The following TMTC2 variants were observed in gnomAD, a reference collection of about 807,000 sequenced individuals.
TMTC2 encodes protein O-mannosyl-transferase TMTC2.
TMTC2 carries 43 observed loss-of-function variants against 82.4 expected under a neutral mutation model. That is an observed-to-expected ratio of 0.52 (90% CI 0.41 to 0.67). The LOEUF is 0.67. TMTC2 is among the 30% of genes least tolerant of loss of function. The probability of loss-of-function intolerance (pLI) is 0.00; values close to 1 mark genes in which losing one functional copy is unlikely to be tolerated. For synonymous variants in TMTC2, 408 were observed against 381.9 expected (o/e 1.07, Z -0.80); for missense variants, 919 against 1,012.4 (o/e 0.91, Z 1.25).
At chr12:83,026,481 A>G (rs993565425) in intron 8 of TMTC2, among the ~76,000 whole-genome samples, 3 of 152,150 alleles carry the variant, frequency 2.0e-5, no homozygotes, top group Admixed American at 1.3e-4. Flanking sequence ...TGGTGCCTTC[A>G]GGTGTCATTT....
Position 82,995,834 on chromosome 12 carries a change from C to T in TMTC2, c.2070+9788C>T, listed in dbSNP as rs185862695. On this transcript the variant is annotated intron_variant, in intron 8 of 11. Coordinates refer to ENST00000321196, the MANE Select transcript of TMTC2 (RefSeq NM_152588.3). ...TTGAGACAGGGTCTTGCTCTGTCAC[C>T]GGAGCTGAAGTGTAGTGGTCCACAC... 8.5e-5 allele frequency among the ~76,000 whole-genome samples: 13 copies of T among 152,246 alleles called. No individual in the cohort carries two copies. The East Asian group carries it at 2.5e-3, about 29-fold the overall frequency.
At chr12:82,997,366 G>GTGTATATATATATGTGTATATATATATA (rs1879695204) in intron 8 of TMTC2, among the ~76,000 whole-genome samples, 315 of 20,196 alleles carry the variant, frequency 0.016, 6 homozygotes, top group African/African-American at 0.032. Context: ...ATATATATAT[G>GTGTATATATATATGTGTATATATATATA]TGTATATATA....
Position 82,896,493 on chromosome 12 carries a change from GT to G in TMTC2, c.1331del (p.Val444AlafsTer11). 1 of 1,614,162 alleles carries G rather than the reference GT, an allele frequency of 6.2e-7. No individual in the cohort carries two copies. The highest frequency in any genetic ancestry group is 1.3e-5 in the African/African-American group (1 of 75,038). ...LITVGARALY[V>X]KVQKRFLKSL... ...TACAGTGGGTGCTAGAGCCCTTTAT[GT>G]CAAAGTCCAAAAGCGGTTCCTCAAG... On this transcript the variant is annotated frameshift_variant, in exon 3 of 12. Coordinates refer to ENST00000321196, the MANE Select transcript of TMTC2 (RefSeq NM_152588.3). LOFTEE classifies it high-confidence loss of function.
At chr12:82,810,615 G>A (rs1592540340) in intron 1 of TMTC2, among the ~76,000 whole-genome samples, 1 of 152,112 alleles carries the variant, frequency 6.6e-6, no homozygotes, top group East Asian at 1.9e-4. Flanking sequence ...TTCACTTTAT[G>A]CAGGAAATAG....
At chr12:82,847,230 A>T (rs1015687594) in intron 1 of TMTC2, among the ~76,000 whole-genome samples, 7 of 152,204 alleles carry the variant, frequency 4.6e-5, no homozygotes, top group Non-Finnish European at 1.0e-4. Context: ...TGCCAAAGAC[A>T]TGTGGCTAAG....
intron 1 of TMTC2, among the ~76,000 whole-genome samples, chr12:82,714,323 A>G (rs1358300162): frequency 6.6e-6 from 1 of 152,236 alleles, no homozygotes; most frequent in East Asian, 1.9e-4. Flanking sequence ...AATATTTAGA[A>G]AGTTGTAAAA....
intron 2 of TMTC2, among the ~76,000 whole-genome samples, chr12:82,890,424 G>GA (rs1284273858): frequency 6.6e-6 from 1 of 152,088 alleles, no homozygotes. Flanking sequence ...ATTGTACTAA[G>GA]AATTCAATTT....
chr12:82,925,980 T>G (rs1435822788), intron 3 of TMTC2, among the ~76,000 whole-genome samples: 1 of 78,710 alleles, frequency 1.3e-5, no homozygotes, highest in Non-Finnish European at 2.3e-5. Flanking sequence ...GAGAAAATTG[T>G]TTTTTTTTTT....
chr12:83,112,080 T>G (rs1884618314), intron 11 of TMTC2, among the ~76,000 whole-genome samples: 1 of 152,160 alleles, frequency 6.6e-6, no homozygotes, highest in Non-Finnish European at 1.5e-5. Context: ...CACTCCAGCC[T>G]AAGTAACAGA....
intron 3 of TMTC2, among the ~76,000 whole-genome samples, chr12:82,911,860 T>G (rs557988633): frequency 6.6e-6 from 1 of 152,172 alleles, no homozygotes; most frequent in Non-Finnish European, 1.5e-5. Flanking sequence ...TCTGACCGCA[T>G]AGGCCTCCCA....
In TMTC2 at chr12:83,068,499, C is replaced by A. The variant is rs180838938; in HGVS notation, c.2331+6668C>A. ...TTCTGCTTGTAAATGGGGGAGGAAC[C>A]ACATGGTCTCTCCCAAAACTTTCCA... On this transcript the variant is annotated intron_variant, in intron 11 of 11. Coordinates refer to ENST00000321196, the MANE Select transcript of TMTC2 (RefSeq NM_152588.3). 3.3e-3 allele frequency among the ~76,000 whole-genome samples: 500 copies of A among 152,056 alleles called. 7 individuals carry two copies. The highest frequency in any genetic ancestry group is 0.03 in the Admixed American group (456 of 15,256).
At chr12:83,045,846 G>T (rs1882100618) in intron 9 of TMTC2, among the ~76,000 whole-genome samples, 1 of 151,936 alleles carries the variant, frequency 6.6e-6, no homozygotes, top group South Asian at 2.1e-4. Context: ...AGGGAAAGCT[G>T]GTTCCTAATA....
intron 8 of TMTC2, among the ~76,000 whole-genome samples, chr12:83,003,398 G>T (rs1022174101): frequency 6.6e-6 from 1 of 151,514 alleles, no homozygotes; most frequent in Non-Finnish European, 1.5e-5. Context: ...TTACGTGGGG[G>T]TGTTTAGATC....
At chr12:82,713,149 G>A (rs750471242) in intron 1 of TMTC2, among the ~76,000 whole-genome samples, 28 of 151,976 alleles carry the variant, frequency 1.8e-4, no homozygotes, top group African/African-American at 2.7e-4. Context: ...GTGAAACCCC[G>A]TCTCTACTAG....
At chr12:82,887,983 C>T (rs1873188557) in intron 2 of TMTC2, among the ~76,000 whole-genome samples, 1 of 152,056 alleles carries the variant, frequency 6.6e-6, no homozygotes, top group African/African-American at 2.4e-5. Flanking sequence ...GGAGGCTGAA[C>T]TAGGAGAATT....
chr12:82,903,563 C>T (rs1258067607), intron 3 of TMTC2, among the ~76,000 whole-genome samples: 21 of 152,150 alleles, frequency 1.4e-4, no homozygotes, highest in Admixed American at 1.2e-3. Context: ...AGGCGCCCGC[C>T]ACCACGCCCA....
intron 11 of TMTC2, among the ~76,000 whole-genome samples, chr12:83,100,718 C>T (rs2137532838): frequency 6.6e-6 from 1 of 152,038 alleles, no homozygotes; most frequent in East Asian, 1.9e-4. Context: ...GTAATGCTTT[C>T]TAAAGAATGT....
intron 11 of TMTC2, among the ~76,000 whole-genome samples, chr12:83,075,945 T>C (rs1404163509): frequency 6.6e-6 from 1 of 152,222 alleles, no homozygotes; most frequent in Non-Finnish European, 1.5e-5. Flanking sequence ...GATTGACAAA[T>C]CAGAAAAAAA....
intron 4 of TMTC2, among the ~76,000 whole-genome samples, chr12:82,932,811 A>G (rs1326847938): frequency 6.6e-6 from 1 of 152,152 alleles, no homozygotes; most frequent in Non-Finnish European, 1.5e-5. Context: ...CCTGGTTAAA[A>G]CGTTGCCCAC....
Sources: gnomAD v4.1 joint callset for allele counts (sites outside exome capture counted in the v4.1 genomes callset) on GRCh38, gnomAD v4.1.1 for gene constraint, MANE v1.5 for transcripts, NCBI Gene and HGNC (gene_info 2026-07-23, HGNC 2026-07-21) for gene names.